Variants in CDH18 observed in about 807,000 individuals in gnomAD.
CDH18 encodes the protein cadherin 18.
A neutral mutation model predicts 67.9 loss-of-function variants in CDH18; 31 were observed. The observed-to-expected ratio is 0.46, with a 90% CI of 0.34 to 0.62. CDH18 has a LOEUF of 0.62. CDH18 is among the 20% of genes least tolerant of loss of function. CDH18 has a pLI of 0.01. For missense variants in CDH18, 890 were observed against 975.5 expected (o/e 0.91, Z 1.17); for synonymous variants, 362 against 347.2 (o/e 1.04, Z -0.48).
intron 1 of CDH18, among the ~76,000 whole-genome samples, chr5:20,269,031 C>A (rs111707582): frequency 3.5e-4 from 53 of 152,140 alleles, no homozygotes; most frequent in African/African-American, 1.3e-3. Context: ...TGAACACCAA[C>A]AACAGCAAAA....
At chr5:19,953,213 T>C (rs1795965137) in intron 2 of CDH18, among the ~76,000 whole-genome samples, 1 of 152,116 alleles carries the variant, frequency 6.6e-6, no homozygotes. Flanking sequence ...TATTCACAAA[T>C]ATTTATAAAT....
intron 2 of CDH18, among the ~76,000 whole-genome samples, chr5:20,187,160 T>C (rs1048189096): frequency 6.6e-6 from 1 of 151,862 alleles, no homozygotes; most frequent in Non-Finnish European, 1.5e-5. Context: ...TAATGTTTAA[T>C]GTGTACAGAG....
chr5:19,862,813 A>AT (rs1004632009), intron 2 of CDH18, among the ~76,000 whole-genome samples: 1 of 152,200 alleles, frequency 6.6e-6, no homozygotes, highest in Non-Finnish European at 1.5e-5. Flanking sequence ...GTGGGATTTT[A>AT]TTTTTTAAAT....
intron 1 of CDH18, among the ~76,000 whole-genome samples, chr5:20,420,815 T>A (rs1747801580): frequency 6.6e-6 from 1 of 151,304 alleles, no homozygotes; most frequent in South Asian, 2.1e-4. Context: ...AGAACTATAA[T>A]AACTTTTATG....
rs397883821 is a variant in CDH18, at chr5:19,625,041, G to GA, written c.644-12441dup. Among the ~76,000 whole-genome samples, 184 of 135,516 alleles carry GA rather than the reference G, an allele frequency of 1.4e-3. 1 individual carries two copies. The highest frequency in any genetic ancestry group is 5.3e-3 in the South Asian group (22 of 4,188). 88.9% of individuals were successfully genotyped at this position (135,516 alleles called of 152,430 possible). ...GGCATTCTAGGAAGGGCAGATTAGT[G>GA]AAAAAAAAAAAAAGATAATTAAATC... On this transcript the variant is annotated intron_variant, in intron 5 of 12. Coordinates refer to ENST00000382275, the MANE Select transcript of CDH18 (RefSeq NM_004934.5).
intron 2 of CDH18, among the ~76,000 whole-genome samples, chr5:20,205,128 A>G (rs1050582037): frequency 6.6e-6 from 1 of 151,942 alleles, no homozygotes; most frequent in African/African-American, 2.4e-5. Context: ...AAATGAATAT[A>G]GGAACAAGAA....
intron 2 of CDH18, among the ~76,000 whole-genome samples, chr5:20,250,010 G>A (rs892990091): frequency 2.6e-5 from 4 of 151,982 alleles, no homozygotes; most frequent in African/African-American, 9.7e-5. Flanking sequence ...TCCTTTTTCA[G>A]GGATATTAAC....
intron 1 of CDH18, among the ~76,000 whole-genome samples, chr5:20,316,018 G>A (rs1298085208): frequency 6.6e-6 from 1 of 152,008 alleles, no homozygotes; most frequent in African/African-American, 2.4e-5. Context: ...AGCATGACAC[G>A]ATCAAAACAA....
chr5:20,369,138 T>G (rs998508153), intron 1 of CDH18, among the ~76,000 whole-genome samples: 2 of 152,146 alleles, frequency 1.3e-5, no homozygotes. Flanking sequence ...ATTTTTTTTT[T>G]CCCTTGGATA....
chr5:19,655,076 C>T (rs970543272), intron 5 of CDH18, among the ~76,000 whole-genome samples: 10 of 152,108 alleles, frequency 6.6e-5, no homozygotes, highest in African/African-American at 9.7e-5. Flanking sequence ...TCGCACTTAG[C>T]GCTGCAGTTT....
At chr5:20,491,866 C>A (rs140204578) in intron 1 of CDH18, among the ~76,000 whole-genome samples, 11 of 152,224 alleles carry the variant, frequency 7.2e-5, no homozygotes, top group Admixed American at 3.3e-4. Context: ...TCACAGGGAA[C>A]CTTCTCTGTA....
chr5:20,269,973 T>C (rs1299984338), intron 1 of CDH18, among the ~76,000 whole-genome samples: 2 of 152,074 alleles, frequency 1.3e-5, no homozygotes, highest in Non-Finnish European at 2.9e-5. Context: ...ATGTCACCTA[T>C]GAAGCAAGCC....
At chr5:20,104,127 A>G (rs1215057789) in intron 2 of CDH18, among the ~76,000 whole-genome samples, 1 of 151,006 alleles carries the variant, frequency 6.6e-6, no homozygotes, top group Non-Finnish European at 1.5e-5. Flanking sequence ...ATAGATATAT[A>G]TGCATGGCTA....
intron 9 of CDH18, among the ~76,000 whole-genome samples, chr5:19,522,221 A>T (rs1747011155): frequency 6.6e-6 from 1 of 152,280 alleles, no homozygotes; most frequent in South Asian, 2.1e-4. Flanking sequence ...TACAAAAAAT[A>T]AAATGCAATA....
At chr5:20,538,320 C>A (rs1355771835) in intron 1 of CDH18, among the ~76,000 whole-genome samples, 1 of 152,174 alleles carries the variant, frequency 6.6e-6, no homozygotes, top group Non-Finnish European at 1.5e-5. Flanking sequence ...TAAAGCATTT[C>A]TCATGAGGAT....
intron 1 of CDH18, among the ~76,000 whole-genome samples, chr5:20,283,590 A>T (rs1334010838): frequency 4.6e-5 from 7 of 152,182 alleles, no homozygotes; most frequent in Admixed American, 2.6e-4. Flanking sequence ...TATCCAAAAG[A>T]CAGGCAATAA....
chr5:19,514,477 T>A (rs1340147490), intron 10 of CDH18, among the ~76,000 whole-genome samples: 1 of 152,212 alleles, frequency 6.6e-6, no homozygotes, highest in Non-Finnish European at 1.5e-5. Context: ...GTAAAAGTGT[T>A]CCTATTTCTC....
At chr5:20,442,998 A>G (rs923582989) in intron 1 of CDH18, among the ~76,000 whole-genome samples, 1 of 151,252 alleles carries the variant, frequency 6.6e-6, no homozygotes, top group African/African-American at 2.4e-5. Flanking sequence ...TCACGAGGTC[A>G]GGAGATCGAG....
chr5:20,066,903 A>G (rs1743025710), intron 2 of CDH18, among the ~76,000 whole-genome samples: 1 of 151,988 alleles, frequency 6.6e-6, no homozygotes, highest in Admixed American at 6.6e-5. Flanking sequence ...AAAATGGGCT[A>G]AATTTATATT....
Sources: allele counts gnomAD v4.1 joint callset (sites outside exome capture counted in the v4.1 genomes callset), GRCh38; gene constraint gnomAD v4.1.1; transcripts MANE v1.5; gene names NCBI Gene and HGNC (gene_info 2026-07-23, HGNC 2026-07-21).